The following BRI3BP variants were observed in gnomAD, a reference collection of about 807,000 sequenced individuals.
BRI3BP encodes BRI3 binding protein.
Under a neutral mutation model 15.8 loss-of-function variants are expected in BRI3BP, and 7 were observed. The ratio of observed to expected loss-of-function variants is 0.44; its 90% confidence interval spans 0.25 to 0.83. The LOEUF is 0.83. Ranked by LOEUF, BRI3BP falls within the 40% of genes least tolerant of loss-of-function variation. The pLI is 0.20. For synonymous variants in BRI3BP, 192 were observed against 163.5 expected (o/e 1.17, Z -1.33); for missense variants, 320 against 339.3 (o/e 0.94, Z 0.45).
the BRI3BP span, among the ~76,000 whole-genome samples, chr12:125,048,468 C>T: frequency 9.6e-4 from 145 of 151,714 alleles, no homozygotes; most frequent in South Asian, 1.5e-3. Flanking sequence ...TTGCAAACAC[C>T]GCATGTTCTC....
intron 2 of BRI3BP, among the ~76,000 whole-genome samples, chr12:125,022,008 A>C (rs1955302983): frequency 6.8e-6 from 1 of 146,200 alleles, no homozygotes; most frequent in African/African-American, 2.5e-5. Flanking sequence ...TGAGCCCAAA[A>C]GGTCAAGGCT....
chr12:124,994,147 G>A, intron 1 of BRI3BP, 144 bp downstream of exon 1: 1 of 485,450 alleles, frequency 2.1e-6, no homozygotes, highest in Non-Finnish European at 2.8e-6. Context: ...GCGCCTCGGG[G>A]CCTGCCGCCT....
chr12:125,000,881 C>A (rs7962862), intron 1 of BRI3BP, among the ~76,000 whole-genome samples: 4,275 of 152,180 alleles, frequency 0.028, 192 homozygotes, highest in African/African-American at 0.096. Context: ...AGCCAAGAAA[C>A]TTAAATATAG....
the BRI3BP span, among the ~76,000 whole-genome samples, chr12:125,039,133 C>T: frequency 3.3e-4 from 50 of 152,066 alleles, no homozygotes; most frequent in Non-Finnish European, 4.6e-4. Context: ...TTGTATAAAG[C>T]TCAGAGAGGT....
chr12:125,011,616 G>A (rs1034082605), intron 1 of BRI3BP, among the ~76,000 whole-genome samples: 1 of 152,174 alleles, frequency 6.6e-6, no homozygotes, highest in African/African-American at 2.4e-5. Context: ...GGGTTCCTCC[G>A]GAGGGGGATT....
chr12:125,019,285 T>G (rs1955273127), intron 2 of BRI3BP, among the ~76,000 whole-genome samples: 1 of 152,110 alleles, frequency 6.6e-6, no homozygotes. Context: ...GTGACGTTGC[T>G]TTGGACCACC....
chr12:125,001,857 A>G (rs541794245), intron 1 of BRI3BP, among the ~76,000 whole-genome samples: 2 of 152,162 alleles, frequency 1.3e-5, no homozygotes, highest in East Asian at 1.9e-4. Context: ...CATTACCCCA[A>G]AAAGAAACTC....
At position 125,025,465 on chromosome 12, in the gene BRI3BP, C is replaced by G. The variant is rs757222511; in HGVS notation, c.*35C>G. On this transcript the variant is annotated 3_prime_UTR_variant, in exon 3 of 3. Transcript: ENST00000341446. ...GGCCGGGCGGGTCCACAGTTACCAGCACGCTGTCTCAGAAAACGAAAACGG... is the reference window on the plus strand; with the variant it reads ...GGCCGGGCGGGTCCACAGTTACCAGGACGCTGTCTCAGAAAACGAAAACGG... 3 of 1,510,246 alleles carry G rather than the reference C, an allele frequency of 2.0e-6. No individual in the cohort carries two copies. Among genetic ancestry groups the G allele is most frequent in the Non-Finnish European group, 2.7e-6 (3 of 1,128,560 alleles). 93.6% of individuals were successfully genotyped at this position (1,510,246 alleles called of 1,614,324 possible).
chr12:125,019,055 A>C (rs953647491), intron 2 of BRI3BP, among the ~76,000 whole-genome samples: 1 of 151,928 alleles, frequency 6.6e-6, no homozygotes, highest in African/African-American at 2.4e-5. Flanking sequence ...ACGGTATTTC[A>C]CCATGTTGGC....
downstream of BRI3BP, among the ~76,000 whole-genome samples, chr12:125,031,421 A>G (rs1314184180): frequency 6.6e-6 from 1 of 151,970 alleles, no homozygotes; most frequent in Non-Finnish European, 1.5e-5. Flanking sequence ...ATAGTGTAGA[A>G]GTGTTGGTTG....
intron 1 of BRI3BP, among the ~76,000 whole-genome samples, chr12:125,001,015 C>A (rs918746524): frequency 2.0e-5 from 3 of 152,148 alleles, no homozygotes; most frequent in African/African-American, 7.2e-5. Flanking sequence ...AGAGTTTCCT[C>A]ACTTTTGGTG....
intron 1 of BRI3BP, among the ~76,000 whole-genome samples, chr12:125,010,519 C>A (rs4765016): frequency 2.6e-5 from 4 of 152,062 alleles, no homozygotes; most frequent in Admixed American, 1.3e-4. Context: ...TGGCTCATGC[C>A]TGTAATCCCA....
At chr12:125,007,200 G>C (rs917356753) in intron 1 of BRI3BP, among the ~76,000 whole-genome samples, 1 of 150,894 alleles carries the variant, frequency 6.6e-6, no homozygotes, top group Non-Finnish European at 1.5e-5. Context: ...CTCTGTCTCC[G>C]CCCCCCCCAA....
rs1434939929 is a variant in BRI3BP at position 125,027,098 on chromosome 12, A to G, written c.*1668A>G. The stretch of plus-strand genomic sequence containing the variant: ...CAGGTTTATAGATAACCCCTGCCAG[A>G]CCTGCTACAACCAAGACCTTATGGT... On this transcript the variant is annotated 3_prime_UTR_variant, in exon 3 of 3. Transcript: ENST00000341446. The G allele has an allele frequency of 1.3e-5, 2 of 152,198 alleles. No homozygotes were observed. Among genetic ancestry groups the G allele is most frequent in the Admixed American group, 1.3e-4 (2 of 15,274 alleles). 9.4% of individuals were successfully genotyped at this position (152,198 alleles called of 1,614,324 possible).
At chr12:125,044,632 C>G in the BRI3BP span, among the ~76,000 whole-genome samples, 1,233 of 150,858 alleles carry the variant, frequency 8.2e-3, 6 homozygotes, top group Middle Eastern at 0.014. Context: ...GTATTTTTAG[C>G]AGAGATGGGG....
At chr12:125,043,214 G>A in the BRI3BP span, among the ~76,000 whole-genome samples, 1 of 152,084 alleles carries the variant, frequency 6.6e-6, no homozygotes, top group East Asian at 1.9e-4. Context: ...TCAGGCCCAG[G>A]GATTTGGGGC....
chr12:125,014,038 A>G (rs1427353100), intron 2 of BRI3BP, among the ~76,000 whole-genome samples: 5 of 152,126 alleles, frequency 3.3e-5, no homozygotes, highest in African/African-American at 7.2e-5. Flanking sequence ...CAGAGTGCCC[A>G]GGGTGTACAG....
chr12:124,995,563 G>A (rs1457800816), intron 1 of BRI3BP, among the ~76,000 whole-genome samples: 1 of 152,194 alleles, frequency 6.6e-6, no homozygotes, highest in Admixed American at 6.5e-5. Flanking sequence ...TTCTGGCAGA[G>A]CATCTCCGAA....
chr12:125,018,922 A>G (rs1305136440), intron 2 of BRI3BP, among the ~76,000 whole-genome samples: 1 of 151,226 alleles, frequency 6.6e-6, no homozygotes, highest in Admixed American at 6.6e-5. Context: ...GCAATGCCGC[A>G]ATCTTGGCTC....
Sources: gnomAD v4.1 joint callset for allele counts (sites outside exome capture counted in the v4.1 genomes callset) on GRCh38, gnomAD v4.1.1 for gene constraint, MANE v1.5 for transcripts, NCBI Gene and HGNC (gene_info 2026-07-23, HGNC 2026-07-21) for gene names.